NR2C1: variants seen among roughly 807,000 people sequenced by gnomAD.
NR2C1 encodes the protein TR2 nuclear hormone receptor.
Under a neutral mutation model 74.8 loss-of-function variants are expected in NR2C1, and 33 were observed. The ratio of observed to expected loss-of-function variants is 0.44; its 90% CI spans 0.33 to 0.59. NR2C1 has a LOEUF of 0.59. Ranked by LOEUF, NR2C1 falls within the 20% of genes least tolerant of loss-of-function variation. The probability of loss-of-function intolerance (pLI) is 0.02; values close to 1 mark genes in which losing one functional copy is unlikely to be tolerated. For synonymous variants in NR2C1, 225 were observed against 240.6 expected (o/e 0.94, Z 0.60); for missense variants, 568 against 715.6 (o/e 0.79, Z 2.35).
chr12:95,030,075 A>C (rs1421280631), intron 11 of NR2C1, among the ~76,000 whole-genome samples: 1 of 151,972 alleles, frequency 6.6e-6, no homozygotes. Context: ...GGGGTACCAC[A>C]ATGTTGTCCA....
chr12:95,066,764 A>T (rs976587998), intron 2 of NR2C1, among the ~76,000 whole-genome samples: 1 of 152,200 alleles, frequency 6.6e-6, no homozygotes, highest in African/African-American at 2.4e-5. Context: ...ATCACATGTC[A>T]CACAGTCTGT....
chr12:95,072,465 A>AG (rs1386430147), intron 1 of NR2C1, among the ~76,000 whole-genome samples: 1 of 150,922 alleles, frequency 6.6e-6, no homozygotes, highest in Non-Finnish European at 1.5e-5. Context: ...CAAAAAAAAA[A>AG]AAAAAAAAAG....
chr12:95,064,328 CAAA>C (rs35375374), intron 2 of NR2C1, among the ~76,000 whole-genome samples: 4,868 of 107,962 alleles, frequency 0.045, 101 homozygotes, highest in Middle Eastern at 0.096. Context: ...GAGTCTGTCT[CAAA>C]AAAAAAAAAA....
intron 12 of NR2C1, among the ~76,000 whole-genome samples, chr12:95,025,711 A>G (rs1411289262): frequency 1.3e-5 from 2 of 148,278 alleles, no homozygotes; most frequent in African/African-American, 2.5e-5. Context: ...ACAAATATTG[A>G]TTGAGGCCAC....
intron 9 of NR2C1, among the ~76,000 whole-genome samples, chr12:95,045,642 C>T (rs1872217889): frequency 2.0e-5 from 3 of 152,054 alleles, no homozygotes; most frequent in Non-Finnish European, 4.4e-5. Context: ...GAAAGACTGA[C>T]TCTAATGTGA....
At chr12:95,062,973 C>T (rs1176499736) in intron 2 of NR2C1, 1 of 551,206 alleles carries the variant, frequency 1.8e-6, no homozygotes, top group Non-Finnish European at 3.2e-6. Context: ...TTCCCCTTCC[C>T]TCCCATGTTC....
chr12:95,044,661 G>A (rs1001743963), intron 9 of NR2C1, among the ~76,000 whole-genome samples: 4 of 151,936 alleles, frequency 2.6e-5, no homozygotes, highest in African/African-American at 9.7e-5. Flanking sequence ...CGAGGTGGGC[G>A]GATCATTGGA....
chr12:95,037,767 T>C (rs1871038831), intron 10 of NR2C1, among the ~76,000 whole-genome samples: 2 of 151,960 alleles, frequency 1.3e-5, no homozygotes, highest in South Asian at 4.2e-4. Flanking sequence ...TGGTTGCAGG[T>C]GCCTGTAGTC....
intron 1 of NR2C1, among the ~76,000 whole-genome samples, chr12:95,070,543 G>A (rs1034421214): frequency 6.6e-6 from 1 of 152,080 alleles, no homozygotes; most frequent in Non-Finnish European, 1.5e-5. Flanking sequence ...ATATTGACTG[G>A]CTCAAAAATT....
chr12:95,058,742 A>C (rs867470030), intron 4 of NR2C1, among the ~76,000 whole-genome samples: 2 of 152,086 alleles, frequency 1.3e-5, no homozygotes, highest in Non-Finnish European at 2.9e-5. Context: ...GACTCAAGGG[A>C]TATCCCCAAC....
intron 7 of NR2C1, among the ~76,000 whole-genome samples, chr12:95,055,730 G>C (rs2136170401): frequency 6.6e-6 from 1 of 151,968 alleles, no homozygotes; most frequent in African/African-American, 2.4e-5. Flanking sequence ...GAGGCAGGCG[G>C]ATCATGAGGT....
intron 9 of NR2C1, among the ~76,000 whole-genome samples, chr12:95,044,675 C>A (rs1872083357): frequency 6.6e-6 from 1 of 151,918 alleles, no homozygotes; most frequent in South Asian, 2.1e-4. Context: ...CATTGGAGCT[C>A]ATGAGTTAGC....
chr12:95,067,532 T>C, intron 1 of NR2C1, 141 bp from the exon 2 acceptor site: 1 of 683,354 alleles, frequency 1.5e-6, no homozygotes, highest in East Asian at 2.8e-5. Flanking sequence ...TTCTGAAGTT[T>C]CTTTTTTCCA....
At chr12:95,068,174 G>A (rs1037334658) in intron 1 of NR2C1, among the ~76,000 whole-genome samples, 7 of 151,922 alleles carry the variant, frequency 4.6e-5, no homozygotes, top group African/African-American at 7.2e-5. Context: ...CACTGCACCC[G>A]GCCCCAGCCC....
rs927883557 is a variant in NR2C1, at chr12:95,052,515, G to A, written c.784-572C>T. Among the ~76,000 whole-genome samples, 19 of 152,228 alleles carry A rather than the reference G, an allele frequency of 1.2e-4. 4 individuals are homozygous for A. Among genetic ancestry groups the A allele is most frequent in the Admixed American group, 7.2e-4 (11 of 15,280 alleles). ...TTTGTCACCCAGACTGGAGTACAGT[G>A]GCACGACCACAGATCACTGCATCCT... On this transcript the variant is annotated intron_variant, in intron 7 of 13. Transcript: ENST00000333003.
At chr12:95,035,729 A>C (rs1471441977) in intron 10 of NR2C1, among the ~76,000 whole-genome samples, 3 of 152,238 alleles carry the variant, frequency 2.0e-5, no homozygotes, top group African/African-American at 7.2e-5. Context: ...AAAAACCCTG[A>C]TGGTATAGCT....
At chr12:95,053,681 GTT>G (rs550069594) in intron 7 of NR2C1, among the ~76,000 whole-genome samples, 18 of 103,398 alleles carry the variant, frequency 1.7e-4, no homozygotes, top group African/African-American at 5.6e-4. Context: ...TCTTTTTGGT[GTT>G]TTTTTTTTTT....
chr12:95,044,000 A>G (rs1871960392), intron 9 of NR2C1, among the ~76,000 whole-genome samples: 1 of 152,234 alleles, frequency 6.6e-6, no homozygotes, highest in Non-Finnish European at 1.5e-5. Context: ...AAGAAACAAT[A>G]GTCCATTTCA....
At chr12:95,031,819 AC>A (rs936158872) in intron 10 of NR2C1, among the ~76,000 whole-genome samples, 3 of 152,248 alleles carry the variant, frequency 2.0e-5, no homozygotes, top group African/African-American at 7.2e-5. Flanking sequence ...TTAAAAAAAA[AC>A]TTTTGCTTTG....
Sources: allele counts gnomAD v4.1 joint callset (sites outside exome capture counted in the v4.1 genomes callset), GRCh38; gene constraint gnomAD v4.1.1; transcripts MANE v1.5; gene names NCBI Gene and HGNC (gene_info 2026-07-23, HGNC 2026-07-21).